The following KCNMA1 variants were observed in gnomAD, a reference collection of about 807,000 sequenced individuals.
KCNMA1 encodes the protein Calcium-activated potassium channel subunit alpha-1.
In KCNMA1, 29 loss-of-function variants were observed where a neutral mutation model predicts 140.0. The ratio of observed to expected loss-of-function variants is 0.21; its 90% CI spans 0.15 to 0.28. KCNMA1 has a LOEUF of 0.28. KCNMA1 is among the 10% of genes least tolerant of loss of function. The pLI is 1.00. For synonymous variants in KCNMA1, 612 were observed against 611.9 expected, an observed-to-expected ratio of 1.00 and a Z score of 0.00; for missense variants, 880 against 1,602.2, an observed-to-expected ratio of 0.55 and a Z score of 7.70.
Position 77,562,091 on chromosome 10 carries a change from G to A in KCNMA1, c.378+75174C>T, listed in dbSNP as rs7895636. On this transcript the variant is annotated intron_variant, in intron 1 of 27. Coordinates refer to ENST00000286628, the MANE Select transcript of KCNMA1 (RefSeq NM_001161352.2). The stretch of plus-strand genomic sequence containing the variant: ...TCCAGGGTGCCCAGATGCCCAGATT[G>A]GTACTTAGGGTGTTTGGTGGTGGTG... Among the ~76,000 whole-genome samples, 290 of 152,276 alleles carry A rather than the reference G, an allele frequency of 1.9e-3. 1 individual carries two copies. Among genetic ancestry groups the A allele is most frequent in the African/African-American group, 6.1e-3 (252 of 41,562 alleles).
intron 1 of KCNMA1, among the ~76,000 whole-genome samples, chr10:77,588,877 A>C (rs2078101510): frequency 6.6e-6 from 1 of 152,242 alleles, no homozygotes; most frequent in Non-Finnish European, 1.5e-5. Context: ...AACAAGAAGC[A>C]GCAAGATAAA....
chr10:77,115,248 T>C lies in KCNMA1; in HGVS notation c.885-2806A>G, dbSNP rs549459804. On this transcript the variant is annotated intron_variant, in intron 6 of 27. Coordinates refer to ENST00000286628, the MANE Select transcript of KCNMA1 (RefSeq NM_001161352.2). ...CAAAATGTGTGGAACAACTTTCTTC[T>C]GGCTCGAAAACTTGGAAAAACAGCC... 7.2e-5 allele frequency among the ~76,000 whole-genome samples: 11 copies of C among 152,372 alleles called. No homozygotes were observed. In the South Asian group the frequency reaches 2.3e-3, roughly 32 times the overall value.
At chr10:77,425,555 A>G (rs2096966885) in intron 1 of KCNMA1, among the ~76,000 whole-genome samples, 1 of 152,006 alleles carries the variant, frequency 6.6e-6, no homozygotes, top group South Asian at 2.1e-4. Context: ...CCATCAGTCA[A>G]CCACCAATCA....
At chr10:77,253,008 T>G (rs768503021) in intron 2 of KCNMA1, among the ~76,000 whole-genome samples, 7 of 152,208 alleles carry the variant, frequency 4.6e-5, no homozygotes, top group African/African-American at 1.7e-4. Flanking sequence ...TTCATTCATA[T>G]GTTCCTTTCA....
In KCNMA1 at chr10:77,518,597, TG is replaced by T. The variant is rs368848620; in HGVS notation, c.379-114575del. On this transcript the variant is annotated intron_variant, in intron 1 of 27. Transcript: ENST00000286628. Reference sequence around the variant, plus strand: ...CGAAGGAAGAAGCCCACAGGCTGCCTGCCCAAGCACAGGACTGGAAGGGAGG... The same window carrying T: ...CGAAGGAAGAAGCCCACAGGCTGCCTCCCAAGCACAGGACTGGAAGGGAGG... Among the ~76,000 whole-genome samples the T allele has an allele frequency of 1.5e-4, 23 of 152,292 alleles. No individual in the cohort carries two copies. In the Middle Eastern group the frequency reaches 0.017, roughly 113 times the overall value.
chr10:77,586,014 G>A (rs1035396087), intron 1 of KCNMA1, among the ~76,000 whole-genome samples: 9 of 152,164 alleles, frequency 5.9e-5, no homozygotes, highest in African/African-American at 1.7e-4. Context: ...ATCTGACCAC[G>A]CACACTTTAT....
chr10:77,128,079 C>G (rs541709508), intron 5 of KCNMA1, among the ~76,000 whole-genome samples: 5 of 152,154 alleles, frequency 3.3e-5, no homozygotes, highest in Middle Eastern at 3.4e-3. Context: ...ACAAATGAAG[C>G]TAATTATTTT....
intron 2 of KCNMA1, among the ~76,000 whole-genome samples, chr10:77,257,096 C>CA (rs1198988064): frequency 6.6e-6 from 1 of 152,050 alleles, no homozygotes; most frequent in Admixed American, 6.6e-5. Context: ...GGTGACAAGG[C>CA]AAGACCCTGT....
At chr10:77,045,247 T>C (rs1187487660) in intron 14 of KCNMA1, among the ~76,000 whole-genome samples, 2 of 152,208 alleles carry the variant, frequency 1.3e-5, no homozygotes, top group African/African-American at 2.4e-5. Flanking sequence ...CAAAATGACT[T>C]AGGGAAAGGT....
intron 2 of KCNMA1, among the ~76,000 whole-genome samples, chr10:77,259,923 C>T (rs1314673758): frequency 2.0e-5 from 3 of 152,180 alleles, no homozygotes; most frequent in Non-Finnish European, 4.4e-5. Flanking sequence ...AGCAAAGTGT[C>T]TCAATCAGTA....
chr10:77,224,249 G>A (rs2050601907), intron 3 of KCNMA1, among the ~76,000 whole-genome samples: 1 of 152,198 alleles, frequency 6.6e-6, no homozygotes, highest in Non-Finnish European at 1.5e-5. Context: ...TAGGCCCATG[G>A]CCCATAGCCC....
At chr10:77,527,598 T>C (rs895187540) in intron 1 of KCNMA1, among the ~76,000 whole-genome samples, 4 of 152,152 alleles carry the variant, frequency 2.6e-5, no homozygotes, top group Non-Finnish European at 5.9e-5. Context: ...CTCTGTCTCT[T>C]CTCTGTGTCT....
chr10:77,350,135 G>A (rs1603307571), intron 2 of KCNMA1, among the ~76,000 whole-genome samples: 1 of 152,138 alleles, frequency 6.6e-6, no homozygotes, highest in South Asian at 2.1e-4. Context: ...CTCACCTCAG[G>A]TGATCCACCA....
At chr10:77,375,240 A>G (rs561366215) in intron 2 of KCNMA1, among the ~76,000 whole-genome samples, 5 of 152,256 alleles carry the variant, frequency 3.3e-5, no homozygotes, top group South Asian at 2.1e-4. Context: ...AACACCCACA[A>G]TGGTCCTGCT....
At chr10:77,095,547 G>A (rs2096910427) in intron 9 of KCNMA1, among the ~76,000 whole-genome samples, 1 of 152,138 alleles carries the variant, frequency 6.6e-6, no homozygotes, top group Non-Finnish European at 1.5e-5. Context: ...GGTGGGTCAC[G>A]GCATTGGAGG....
intron 25 of KCNMA1, among the ~76,000 whole-genome samples, chr10:76,908,704 T>C (rs928538955): frequency 2.0e-5 from 3 of 152,242 alleles, no homozygotes; most frequent in African/African-American, 7.2e-5. Context: ...CTGAGTTCTG[T>C]TTATGGTTTT....
At position 77,111,942 on chromosome 10, in the gene KCNMA1, CT is replaced by C. The variant is rs2097334806; in HGVS notation, c.960+424del. 2.6e-5 allele frequency among the ~76,000 whole-genome samples: 4 copies of C among 152,246 alleles called. No individual in the cohort carries two copies. In the South Asian group the frequency reaches 8.3e-4, roughly 32 times the overall value. On this transcript the variant is annotated intron_variant, in intron 7 of 27. Coordinates refer to ENST00000286628, the MANE Select transcript of KCNMA1 (RefSeq NM_001161352.2). ...AATCAGACAAAATAATCAAAGGTGG[CT>C]TTTCGTAAGGCGGAAGTGGAAAGAA...
At chr10:77,551,245 G>T (rs1019608170) in intron 1 of KCNMA1, among the ~76,000 whole-genome samples, 1 of 152,132 alleles carries the variant, frequency 6.6e-6, no homozygotes, top group Non-Finnish European at 1.5e-5. Context: ...GCTCTTATAT[G>T]TACAGGGGAA....
intron 2 of KCNMA1, among the ~76,000 whole-genome samples, chr10:77,339,014 A>C (rs682126): frequency 0.84 from 127,211 of 152,136 alleles, 53,350 homozygotes; most frequent in Middle Eastern, 0.9. Flanking sequence ...TCCTCCAGGA[A>C]GGCAGACATT....
Sources: allele counts gnomAD v4.1 joint callset (sites outside exome capture counted in the v4.1 genomes callset), GRCh38; gene constraint gnomAD v4.1.1; transcripts MANE v1.5; gene names NCBI Gene and HGNC (gene_info 2026-07-23, HGNC 2026-07-21).